CASK: variants seen among roughly 807,000 people sequenced by gnomAD.
CASK encodes the protein peripheral plasma membrane protein CASK.
In CASK, 4 loss-of-function variants were observed where a neutral mutation model predicts 82.9. The ratio of observed to expected loss-of-function variants is 0.05; its 90% confidence interval spans 0.02 to 0.11. The LOEUF is 0.11. Among genes scored for constraint, CASK ranks in the 10% least tolerant of loss-of-function variants. CASK has a pLI of 1.00. For missense variants in CASK, 358 were observed against 720.9 expected (o/e 0.50, Z 5.76); for synonymous variants, 259 against 253.5 (o/e 1.02, Z -0.20).
intron 11 of CASK, among the ~76,000 whole-genome samples, chrX:41,611,682 T>C (rs866629514): frequency 2.0e-5 from 1 of 51,255 alleles, no homozygotes; most frequent in Non-Finnish European, 3.3e-5. Flanking sequence ...TCTCCCTCTC[T>C]CTCTCCCTCT....
chrX:41,613,221 C>T (rs2066132360), intron 11 of CASK, among the ~76,000 whole-genome samples: 1 of 110,840 alleles, frequency 9.0e-6, no homozygotes, highest in African/African-American at 3.3e-5. Flanking sequence ...ATTGAGAAAT[C>T]GGATGGTTGC....
intron 16 of CASK, among the ~76,000 whole-genome samples, chrX:41,566,717 C>T (rs938686378): frequency 9.0e-6 from 1 of 111,464 alleles, no homozygotes; most frequent in African/African-American, 3.3e-5. Flanking sequence ...ACTTTCTTCA[C>T]AGAATTGGAA....
rs1388556933 is a variant in CASK at position 41,549,611 on chromosome X, G to A, written c.2039+4108C>T. Among the ~76,000 whole-genome samples, 6 of 111,492 alleles carry A rather than the reference G, an allele frequency of 5.4e-5. No homozygotes were observed. The South Asian group carries it at 1.5e-3, about 28-fold the overall frequency. On this transcript the variant is annotated intron_variant, in intron 21 of 26. Transcript: ENST00000378163. The stretch of plus-strand genomic sequence containing the variant: ...TCCCAACACTTTAGGAGGTTGAGGC[G>A]GGCAGATCACCTGAGGTCAGGAGTT...
chrX:41,676,144 G>A, intron 5 of CASK: 2 of 1,148,949 alleles, frequency 1.7e-6, no homozygotes, highest in Non-Finnish European at 2.4e-6. Flanking sequence ...TTTTCAAAGA[G>A]AAGACTTTGC....
rs760277976 is a variant in CASK at position 41,517,770 on chromosome X, TAGCAGCAGCAGCAGC to T, written c.*2635_*2649del. The T allele has an allele frequency of 2.9e-3, 2,063 of 708,109 alleles. 44 individuals carry two copies. In the African/African-American group the frequency reaches 0.041, roughly 14 times the overall value. The allele number at this position is 708,109 out of a possible 1,213,427, so 58.4% of individuals were successfully genotyped here. A position where few individuals can be genotyped will look rare whatever the true frequency, so the allele number is the denominator to read the frequency against. On this transcript the variant is annotated 3_prime_UTR_variant, in exon 27 of 27. Transcript: ENST00000378163. ...TTAGTGGACAATTGTAATGTAGCAGTAGCAGCAGCAGCAGCAGCAGCAGCAGCAGCAGCAGCAGCA... is the reference window on the plus strand; with the variant it reads ...TTAGTGGACAATTGTAATGTAGCAGTAGCAGCAGCAGCAGCAGCAGCAGCA...
At chrX:41,684,289 T>C (rs922544029) in intron 5 of CASK, among the ~76,000 whole-genome samples, 1 of 111,609 alleles carries the variant, frequency 9.0e-6, no homozygotes, top group South Asian at 3.7e-4. Flanking sequence ...ATGGGACTGA[T>C]TGATAGCATG....
At chrX:41,919,243 T>C (rs1178762347) in intron 1 of CASK, 1 of 111,764 alleles carries the variant, frequency 8.9e-6, no homozygotes, top group Non-Finnish European at 1.9e-5. Flanking sequence ...AAAAGTGCTC[T>C]CGAGGAGTAA....
chrX:41,597,299 T>A (rs1258069439), intron 12 of CASK, among the ~76,000 whole-genome samples: 1 of 112,579 alleles, frequency 8.9e-6, no homozygotes, highest in Non-Finnish European at 1.9e-5. Flanking sequence ...TTTGCAACTA[T>A]ACTGTAGGCA....
chrX:41,630,135 T>C lies in CASK; in HGVS notation c.916-3432A>G, dbSNP rs181919979. 4.2e-3 allele frequency among the ~76,000 whole-genome samples: 468 copies of C among 112,428 alleles called. 1 individual carries two copies. The highest frequency in any genetic ancestry group is 0.013 in the African/African-American group (402 of 31,051). ...GAAAAAGAGCACCACAAGTTTTTAA[T>C]TTGTAGTTAAGAACTAGAAATAATT... On this transcript the variant is annotated intron_variant, in intron 9 of 26. Coordinates refer to ENST00000378163, the MANE Select transcript of CASK (RefSeq NM_001367721.1).
At chrX:41,662,761 C>T (rs1296365386) in intron 7 of CASK, among the ~76,000 whole-genome samples, 2 of 110,578 alleles carry the variant, frequency 1.8e-5, no homozygotes, top group African/African-American at 6.6e-5. Context: ...CCACTGCACT[C>T]CAGCCTGGGT....
chrX:41,574,191 T>A (rs1025509828), intron 15 of CASK, among the ~76,000 whole-genome samples: 1 of 111,070 alleles, frequency 9.0e-6, no homozygotes, highest in African/African-American at 3.3e-5. Context: ...CTCTGTCCTA[T>A]GAACTCTAGT....
At chrX:41,644,256 C>G (rs2066715250) in intron 8 of CASK, among the ~76,000 whole-genome samples, 1 of 111,965 alleles carries the variant, frequency 8.9e-6, no homozygotes. Flanking sequence ...AACAGAAGGA[C>G]TGGCTGAAAC....
At chrX:41,826,141 T>G (rs1408805475) in intron 2 of CASK, among the ~76,000 whole-genome samples, 1 of 112,098 alleles carries the variant, frequency 8.9e-6, no homozygotes, top group Non-Finnish European at 1.9e-5. Context: ...AGTTTAAAAT[T>G]AATTGATGTG....
At chrX:41,579,056 C>A (rs760321722) in intron 14 of CASK, among the ~76,000 whole-genome samples, 3 of 111,819 alleles carry the variant, frequency 2.7e-5, no homozygotes, top group Non-Finnish European at 5.6e-5. Flanking sequence ...CTAAAAGAAT[C>A]ATCTATAAAT....
At chrX:41,729,365 A>G (rs755816849) in intron 5 of CASK, 1 of 122,763 alleles carries the variant, frequency 8.1e-6, no homozygotes, top group Non-Finnish European at 1.9e-5. Flanking sequence ...TTCTACTTAT[A>G]TGCTTTACAT....
rs749248265 is a variant in CASK, at chrX:41,575,018, A to G, written c.1503+3322T>C. On this transcript the variant is annotated intron_variant, in intron 15 of 26. Coordinates refer to ENST00000378163, the MANE Select transcript of CASK (RefSeq NM_001367721.1). Reference sequence around the variant, plus strand: ...GTTTCATTTCCAACTTGTACATTCAATCAGCTTGTATGGTTACTAAGAAAA... The same window carrying G: ...GTTTCATTTCCAACTTGTACATTCAGTCAGCTTGTATGGTTACTAAGAAAA... Among the ~76,000 whole-genome samples, 38 of 112,464 alleles carry G rather than the reference A, an allele frequency of 3.4e-4. No homozygotes were observed. In the South Asian group the frequency reaches 0.012, roughly 36 times the overall value.
intron 8 of CASK, among the ~76,000 whole-genome samples, chrX:41,651,388 CA>C (rs1227149311): frequency 9.0e-6 from 1 of 111,429 alleles, no homozygotes; most frequent in African/African-American, 3.3e-5. Flanking sequence ...AAAAACAAAA[CA>C]AAACAAAGAA....
In CASK at chrX:41,517,563, G is replaced by A. The variant is rs2064572121; in HGVS notation, c.*2857C>T. ...AAAAACACTCCCTTTCTTGCTGTGGGGAATGGAGTTGGGTGGGGGAGAGAA... is the reference window on the plus strand; with the variant it reads ...AAAAACACTCCCTTTCTTGCTGTGGAGAATGGAGTTGGGTGGGGGAGAGAA... On this transcript the variant is annotated 3_prime_UTR_variant, in exon 27 of 27. Coordinates refer to ENST00000378163, the MANE Select transcript of CASK (RefSeq NM_001367721.1). 1 of 346,936 alleles carries A rather than the reference G, an allele frequency of 2.9e-6. No individual in the cohort carries two copies. The highest frequency in any genetic ancestry group is 2.7e-5 in the African/African-American group (1 of 37,664). 28.6% of individuals were successfully genotyped at this position (346,936 alleles called of 1,213,427 possible).
intron 3 of CASK, among the ~76,000 whole-genome samples, chrX:41,756,670 TC>T (rs1325083571): frequency 8.9e-6 from 1 of 112,334 alleles, no homozygotes; most frequent in African/African-American, 3.2e-5. Context: ...ATTTTCTAAG[TC>T]CCTTATATGC....
Sources: gnomAD v4.1 joint callset for allele counts (sites outside exome capture counted in the v4.1 genomes callset) on GRCh38, gnomAD v4.1.1 for gene constraint, MANE v1.5 for transcripts, NCBI Gene and HGNC (gene_info 2026-07-23, HGNC 2026-07-21) for gene names.